Variants in CCSER1 observed in about 807,000 individuals in gnomAD.
CCSER1 encodes the protein serine-rich coiled-coil domain-containing protein 1.
In CCSER1, 41 loss-of-function variants were observed where a neutral mutation model predicts 82.0. The observed-to-expected ratio is 0.50, with a 90% CI of 0.39 to 0.65. The LOEUF (loss-of-function observed/expected upper bound fraction) is 0.65, where lower values mean the gene tolerates loss of function less well. CCSER1 is among the 30% of genes least tolerant of loss of function. The pLI is 0.00. For synonymous variants in CCSER1, 414 were observed against 383.9 expected, an observed-to-expected ratio of 1.08 and a Z score of -0.92; for missense variants, 1,119 against 1,064.2, an observed-to-expected ratio of 1.05 and a Z score of -0.72.
intron 4 of CCSER1, among the ~76,000 whole-genome samples, chr4:90,429,688 T>A (rs1222672897): frequency 6.6e-6 from 1 of 151,782 alleles, no homozygotes; most frequent in Admixed American, 6.6e-5. Flanking sequence ...AGACAAAGAC[T>A]TATAGTTCAG....
At chr4:90,804,088 G>A (rs1470065536) in intron 7 of CCSER1, among the ~76,000 whole-genome samples, 2 of 152,100 alleles carry the variant, frequency 1.3e-5, no homozygotes, top group African/African-American at 2.4e-5. Context: ...ATTTGTTTAA[G>A]TTTTTTGTAG....
chr4:91,595,054 A>G (rs1201353955), intron 10 of CCSER1, among the ~76,000 whole-genome samples: 1 of 151,868 alleles, frequency 6.6e-6, no homozygotes, highest in Non-Finnish European at 1.5e-5. Context: ...TGCTTAAAAA[A>G]AAAAAGCAAA....
At chr4:91,493,845 T>A (rs1255596564) in intron 10 of CCSER1, among the ~76,000 whole-genome samples, 2 of 151,758 alleles carry the variant, frequency 1.3e-5, no homozygotes, top group Non-Finnish European at 2.9e-5. Flanking sequence ...TTGAGCCAAA[T>A]AAGTAATTTT....
rs560482794 is a variant in CCSER1, at chr4:90,323,155, C to T, written c.1509+10108C>T. Among the ~76,000 whole-genome samples the T allele has an allele frequency of 1.1e-4, 16 of 152,214 alleles. No homozygotes were observed. In the East Asian group the frequency reaches 2.7e-3, roughly 26 times the overall value. The stretch of plus-strand genomic sequence containing the variant: ...CAGTTGCAAGACAAAATCCTCTGTA[C>T]TCCTCCCTCTCCTTTCCTCAAGCAG... On this transcript the variant is annotated intron_variant, in intron 3 of 10. Coordinates refer to ENST00000509176, the MANE Select transcript of CCSER1 (RefSeq NM_001145065.2).
chr4:90,551,522 G>A (rs1179319517), intron 5 of CCSER1, among the ~76,000 whole-genome samples: 1 of 151,398 alleles, frequency 6.6e-6, no homozygotes, highest in African/African-American at 2.4e-5. Context: ...GTCTCAATTG[G>A]TCCCCTGTGC....
chr4:91,440,097 G>C (rs1276999914), intron 10 of CCSER1, among the ~76,000 whole-genome samples: 1 of 151,998 alleles, frequency 6.6e-6, no homozygotes, highest in Non-Finnish European at 1.5e-5. Context: ...ATTGAACTCA[G>C]CTCTGCACCA....
intron 8 of CCSER1, among the ~76,000 whole-genome samples, chr4:90,831,147 T>C (rs1384837528): frequency 1.3e-5 from 2 of 152,124 alleles, no homozygotes; most frequent in Non-Finnish European, 2.9e-5. Flanking sequence ...AGTGTGGTTC[T>C]ACACTACCTT....
chr4:91,299,094 G>C lies in CCSER1; in HGVS notation c.2217+213100G>C, dbSNP rs140777213. Among the ~76,000 whole-genome samples, 22 of 152,064 alleles carry C rather than the reference G, an allele frequency of 1.4e-4. No homozygotes were observed. In the East Asian group the frequency reaches 4.3e-3, roughly 30 times the overall value. ...AAACATTCTATGTTTATACATGCTA[G>C]AGTTTGTGAACCACTGCTTTAAATA... On this transcript the variant is annotated intron_variant, in intron 10 of 10. Transcript: ENST00000509176.
intron 10 of CCSER1, among the ~76,000 whole-genome samples, chr4:91,520,357 G>A (rs756418370): frequency 8.2e-5 from 12 of 147,042 alleles, no homozygotes; most frequent in Non-Finnish European, 1.8e-4. Flanking sequence ...GTGTAGGCTC[G>A]CCTCCCTGAG....
At chr4:90,418,269 T>G (rs1284977053) in intron 4 of CCSER1, among the ~76,000 whole-genome samples, 2 of 152,116 alleles carry the variant, frequency 1.3e-5, no homozygotes, top group African/African-American at 4.8e-5. Flanking sequence ...TTTAAAAATA[T>G]GCATGTAAAA....
chr4:90,326,972 C>T (rs2153492314), intron 3 of CCSER1, among the ~76,000 whole-genome samples: 1 of 152,258 alleles, frequency 6.6e-6, no homozygotes, highest in Non-Finnish European at 1.5e-5. Context: ...TAGATTCCAT[C>T]TTCATTTTTC....
At chr4:90,802,126 G>A (rs889569044) in intron 7 of CCSER1, among the ~76,000 whole-genome samples, 3 of 151,700 alleles carry the variant, frequency 2.0e-5, no homozygotes, top group African/African-American at 4.8e-5. Context: ...GCTGAGGCAC[G>A]AGAATCGCTT....
intron 7 of CCSER1, among the ~76,000 whole-genome samples, chr4:90,806,730 G>A (rs1422731195): frequency 6.6e-6 from 1 of 152,110 alleles, no homozygotes; most frequent in East Asian, 1.9e-4. Flanking sequence ...AGTAGTACAA[G>A]AGCCAACCCA....
At chr4:91,531,790 G>A (rs1214851240) in intron 10 of CCSER1, among the ~76,000 whole-genome samples, 2 of 152,166 alleles carry the variant, frequency 1.3e-5, no homozygotes, top group Non-Finnish European at 2.9e-5. Flanking sequence ...TCTTGCATAA[G>A]GACACTAATC....
intron 10 of CCSER1, among the ~76,000 whole-genome samples, chr4:91,413,801 G>A (rs1309544939): frequency 6.6e-6 from 1 of 151,916 alleles, no homozygotes; most frequent in Non-Finnish European, 1.5e-5. Context: ...AAAGCAACAA[G>A]ACTTGTCACA....
chr4:91,487,285 TAAGTC>T (rs1219979103), intron 10 of CCSER1, among the ~76,000 whole-genome samples: 1 of 152,064 alleles, frequency 6.6e-6, no homozygotes, highest in Non-Finnish European at 1.5e-5. Context: ...TTGGGAAACA[TAAGTC>T]AAGAGGCAGC....
chr4:90,765,351 CAG>C lies in CCSER1; in HGVS notation c.2010+41363_2010+41364del, dbSNP rs199975442. On this transcript the variant is annotated intron_variant, in intron 7 of 10. Coordinates refer to ENST00000509176, the MANE Select transcript of CCSER1 (RefSeq NM_001145065.2). Reference sequence around the variant, plus strand: ...GATGCATATATATGCAGATTTTAAACAGAGTGAAAGATAAATTTCTTTTCTGC... The same window carrying C: ...GATGCATATATATGCAGATTTTAAACAGTGAAAGATAAATTTCTTTTCTGC... Among the ~76,000 whole-genome samples the C allele has an allele frequency of 9.5e-3, 1,446 of 152,220 alleles. 14 individuals are homozygous for C. The highest frequency in any genetic ancestry group is 0.024 in the Middle Eastern group (7 of 292).
At chr4:91,156,759 A>T (rs1188812831) in intron 10 of CCSER1, among the ~76,000 whole-genome samples, 1 of 151,742 alleles carries the variant, frequency 6.6e-6, no homozygotes, top group Non-Finnish European at 1.5e-5. Flanking sequence ...TAAATGCCAG[A>T]CACCTTCCTT....
chr4:90,817,214 T>C (rs984759121), intron 8 of CCSER1, among the ~76,000 whole-genome samples: 3 of 152,090 alleles, frequency 2.0e-5, no homozygotes, highest in Non-Finnish European at 4.4e-5. Flanking sequence ...ATATCACCTA[T>C]AGATATTTAT....
Sources: gnomAD v4.1 joint callset for allele counts (sites outside exome capture counted in the v4.1 genomes callset) on GRCh38, gnomAD v4.1.1 for gene constraint, MANE v1.5 for transcripts, NCBI Gene and HGNC (gene_info 2026-07-23, HGNC 2026-07-21) for gene names.